Variants in FNBP1L observed in about 807,000 individuals in gnomAD.
FNBP1L encodes formin-binding protein 1-like.
In FNBP1L, 36 loss-of-function variants were observed where a neutral mutation model predicts 91.2. The observed-to-expected ratio is 0.39, with a 90% CI of 0.30 to 0.52. The LOEUF (loss-of-function observed/expected upper bound fraction) is 0.52, where lower values mean the gene tolerates loss of function less well. FNBP1L is among the 20% of genes least tolerant of loss of function. The pLI is 0.66. For synonymous variants in FNBP1L, 242 were observed against 237.0 expected, an observed-to-expected ratio of 1.02 and a Z score of -0.19; for missense variants, 571 against 732.1, an observed-to-expected ratio of 0.78 and a Z score of 2.54.
chr1:93,529,814 G>A (rs190336038), intron 6 of FNBP1L, 58 bp downstream of exon 6: 37 of 1,015,244 alleles, frequency 3.6e-5, no homozygotes, highest in Non-Finnish European at 5.1e-5. Context: ...CATAAGGAAA[G>A]TAGTCACGAC....
intron 2 of FNBP1L, among the ~76,000 whole-genome samples, chr1:93,511,249 C>A (rs940863836): frequency 3.3e-5 from 5 of 152,208 alleles, no homozygotes; most frequent in African/African-American, 1.2e-4. Context: ...AGACTAACAG[C>A]TGATCTCTCA....
chr1:93,496,998 T>C (rs558470618), intron 1 of FNBP1L, among the ~76,000 whole-genome samples: 17 of 152,294 alleles, frequency 1.1e-4, no homozygotes, highest in Non-Finnish European at 1.9e-4. Context: ...TCTCGCTCTG[T>C]CACCCAGGCT....
At chr1:93,516,022 A>G (rs1436337033) in intron 2 of FNBP1L, among the ~76,000 whole-genome samples, 1 of 152,216 alleles carries the variant, frequency 6.6e-6, no homozygotes, top group African/African-American at 2.4e-5. Context: ...AAAAATCATC[A>G]GTTATTGTTA....
chr1:93,520,648 C>G (rs1671289638), intron 2 of FNBP1L, among the ~76,000 whole-genome samples: 2 of 152,088 alleles, frequency 1.3e-5, no homozygotes, highest in East Asian at 1.9e-4. Context: ...CACTTTATAT[C>G]ATTTATTTCT....
At chr1:93,511,827 G>C (rs1403954840) in intron 2 of FNBP1L, among the ~76,000 whole-genome samples, 1 of 150,964 alleles carries the variant, frequency 6.6e-6, no homozygotes, top group African/African-American at 2.4e-5. Context: ...TTAGCCGGGC[G>C]TAGTGGCGGG....
chr1:93,544,251 T>A, intron 12 of FNBP1L, 35 bp downstream of exon 12: 1 of 1,471,828 alleles, frequency 6.8e-7, no homozygotes, highest in Non-Finnish European at 9.4e-7. Context: ...ATCATTATTA[T>A]TTTAGGATCT....
At chr1:93,483,062 A>G (rs965920931) in intron 1 of FNBP1L, among the ~76,000 whole-genome samples, 5 of 151,018 alleles carry the variant, frequency 3.3e-5, no homozygotes, top group African/African-American at 1.2e-4. Context: ...CAAGCATGGT[A>G]TCACACTCCT....
chr1:93,448,870 C>A (rs1254779339), intron 1 of FNBP1L, among the ~76,000 whole-genome samples: 1 of 152,166 alleles, frequency 6.6e-6, no homozygotes, highest in Non-Finnish European at 1.5e-5. Flanking sequence ...AGCCCGGCCT[C>A]GGGCCAGCCA....
At chr1:93,510,809 C>T (rs2101736657) in intron 2 of FNBP1L, among the ~76,000 whole-genome samples, 1 of 152,180 alleles carries the variant, frequency 6.6e-6, no homozygotes, top group East Asian at 1.9e-4. Flanking sequence ...GTGAAGAATG[C>T]AGAAGCCTCA....
intron 1 of FNBP1L, among the ~76,000 whole-genome samples, chr1:93,461,687 T>C (rs1358813885): frequency 6.6e-6 from 1 of 152,184 alleles, no homozygotes; most frequent in Non-Finnish European, 1.5e-5. Context: ...TGAACAAAAT[T>C]AGGATTCTGT....
intron 2 of FNBP1L, among the ~76,000 whole-genome samples, chr1:93,504,621 A>G (rs4847245): frequency 0.48 from 72,293 of 152,102 alleles, 20,602 homozygotes; most frequent in Non-Finnish European, 0.61. Context: ...CACCAGCAAT[A>G]CACAAAGCTT....
chr1:93,472,463 T>G (rs1378018927), intron 1 of FNBP1L, among the ~76,000 whole-genome samples: 3 of 152,022 alleles, frequency 2.0e-5, no homozygotes, highest in Non-Finnish European at 2.9e-5. Flanking sequence ...ATACTACCTT[T>G]TATTGAATTT....
At chr1:93,547,013 T>A (rs1300867286) in intron 13 of FNBP1L, 39 bp downstream of exon 13, 52 of 1,566,044 alleles carry the variant, frequency 3.3e-5, no homozygotes, top group Non-Finnish European at 4.2e-5. Context: ...ATAAATTATT[T>A]TTATAAACTT....
chr1:93,523,322 C>G, intron 3 of FNBP1L, 22 bp from the exon 4 acceptor site: 2 of 1,583,416 alleles, frequency 1.3e-6, no homozygotes, highest in Non-Finnish European at 1.7e-6. Flanking sequence ...TAAGTCTCAC[C>G]ATTTTGAAAT....
rs779916304 is a variant in FNBP1L at position 93,549,394 on chromosome 1, T to C, written c.1619T>C (p.Ile540Thr). The change falls in exon 15 of 17, where the codon ATT (isoleucine) becomes ACT (threonine). Residue 540 changes from isoleucine to threonine, a missense_variant. Ile to Thr is a moderately conservative substitution (Grantham distance 89, BLOSUM62 -1). Around this residue, in one of 5 missense-constraint regions of FNBP1L, gnomAD observed 189 missense variants for 219.7 expected, o/e 0.86. Transcript: ENST00000271234. ...GAGGATGATGATCCCTTGCCTGCTA[T>C]TGGACACTGCAAAGCTATCTACCCT... ...EFEDDDPLPA[I>T]GHCKAIYPFD... The C allele has an allele frequency of 1.2e-6, 2 of 1,609,752 alleles. No homozygotes were observed. The highest frequency in any genetic ancestry group is 8.5e-7 in the Non-Finnish European group (1 of 1,178,486).
intron 1 of FNBP1L, among the ~76,000 whole-genome samples, chr1:93,469,837 A>C (rs1211221462): frequency 6.6e-6 from 1 of 152,106 alleles, no homozygotes; most frequent in Non-Finnish European, 1.5e-5. Context: ...TTAGCCTGAC[A>C]TGGTGGTGCA....
At chr1:93,514,913 C>G (rs922643949) in intron 2 of FNBP1L, among the ~76,000 whole-genome samples, 3 of 152,152 alleles carry the variant, frequency 2.0e-5, no homozygotes, top group Admixed American at 2.0e-4. Flanking sequence ...CCAGAATTGA[C>G]AAATGGGATC....
At chr1:93,530,651 G>T in intron 6 of FNBP1L, 104 bp from the exon 7 acceptor site, 1 of 1,188,194 alleles carries the variant, frequency 8.4e-7, no homozygotes, top group Non-Finnish European at 1.2e-6. Flanking sequence ...TTGATGTCAG[G>T]TGTTGGCTTC....
At chr1:93,475,958 G>T (rs572325062) in intron 1 of FNBP1L, among the ~76,000 whole-genome samples, 4 of 152,000 alleles carry the variant, frequency 2.6e-5, no homozygotes, top group Admixed American at 2.6e-4. Context: ...TTTGTTACCC[G>T]ACTCAATTTT....
Sources: gnomAD v4.1 joint callset for allele counts (sites outside exome capture counted in the v4.1 genomes callset) on GRCh38, gnomAD v4.1.1 for gene constraint, gnomAD v4.1.1 regional missense constraint, MANE v1.5 for transcripts, NCBI Gene and HGNC (gene_info 2026-07-23, HGNC 2026-07-21) for gene names.